Variants in PTPRG observed in about 807,000 individuals in gnomAD.
PTPRG encodes receptor-type tyrosine-protein phosphatase gamma.
Under a neutral mutation model 165.3 loss-of-function variants are expected in PTPRG, and 102 were observed. The ratio of observed to expected loss-of-function variants is 0.62; its 90% CI spans 0.53 to 0.73. The LOEUF (loss-of-function observed/expected upper bound fraction) is 0.73. Among genes scored for constraint, PTPRG ranks in the 30% least tolerant of loss-of-function variants. The pLI, the probability that PTPRG is intolerant of heterozygous loss-of-function variation, is 0.00. For missense variants in PTPRG, 1,866 were observed against 1,861.4 expected (o/e 1.00, Z -0.05); for synonymous variants, 675 against 669.5 (o/e 1.01, Z -0.13).
chr3:62,183,837 A>C (rs1705761174), intron 8 of PTPRG, among the ~76,000 whole-genome samples: 1 of 152,208 alleles, frequency 6.6e-6, no homozygotes, highest in Admixed American at 6.5e-5. Flanking sequence ...ATGAAGGAGA[A>C]GGGAACGGGA....
At chr3:62,122,042 C>T (rs924472293) in intron 5 of PTPRG, among the ~76,000 whole-genome samples, 21 of 152,274 alleles carry the variant, frequency 1.4e-4, no homozygotes, top group African/African-American at 2.4e-4. Context: ...CGAGATGGGG[C>T]TGGATTTTGT....
At chr3:62,054,332 TC>T (rs1284927987) in intron 4 of PTPRG, among the ~76,000 whole-genome samples, 1 of 152,220 alleles carries the variant, frequency 6.6e-6, no homozygotes. Context: ...ATAATGGGTT[TC>T]TTTCTTCTAT....
chr3:62,031,280 G>A (rs534389946), intron 4 of PTPRG, among the ~76,000 whole-genome samples: 1 of 152,122 alleles, frequency 6.6e-6, no homozygotes, highest in Non-Finnish European at 1.5e-5. Flanking sequence ...TAGAAGCAAT[G>A]GGTTTACTTC....
At chr3:61,856,061 G>T (rs539213747) in intron 2 of PTPRG, among the ~76,000 whole-genome samples, 2 of 152,158 alleles carry the variant, frequency 1.3e-5, no homozygotes, top group South Asian at 4.2e-4. Flanking sequence ...GATATTGATG[G>T]GTGGGTGCTA....
chr3:62,104,663 A>G (rs949906746), intron 5 of PTPRG, among the ~76,000 whole-genome samples: 2 of 152,180 alleles, frequency 1.3e-5, no homozygotes, highest in African/African-American at 4.8e-5. Context: ...TAAATAGTGG[A>G]CTTGAGCTTA....
chr3:62,269,770 T>C (rs923362886), intron 20 of PTPRG, among the ~76,000 whole-genome samples: 6 of 152,126 alleles, frequency 3.9e-5, no homozygotes. Context: ...CAAAATCCAC[T>C]GTCACAACAA....
chr3:62,049,160 G>C (rs1024036248), intron 4 of PTPRG, among the ~76,000 whole-genome samples: 1 of 151,516 alleles, frequency 6.6e-6, no homozygotes, highest in Non-Finnish European at 1.5e-5. Context: ...GTATCTCATC[G>C]TCCCTCTTTT....
At chr3:61,787,178 C>T (rs1370114887) in intron 2 of PTPRG, among the ~76,000 whole-genome samples, 1 of 152,088 alleles carries the variant, frequency 6.6e-6, no homozygotes, top group Non-Finnish European at 1.5e-5. Flanking sequence ...CTGTTCTTCT[C>T]TCCGTCCTAA....
chr3:61,918,359 T>C (rs1559687986), intron 2 of PTPRG, among the ~76,000 whole-genome samples: 1 of 151,602 alleles, frequency 6.6e-6, no homozygotes, highest in Non-Finnish European at 1.5e-5. Flanking sequence ...GAATGGGAAA[T>C]ATGTATATAT....
At chr3:62,118,241 C>T (rs540617520) in intron 5 of PTPRG, 1 of 152,326 alleles carries the variant, frequency 6.6e-6, no homozygotes, top group Non-Finnish European at 1.5e-5. Flanking sequence ...GCTCTCTGTT[C>T]CAATTGCTTG....
intron 14 of PTPRG, among the ~76,000 whole-genome samples, chr3:62,236,757 A>T (rs1052808326): frequency 3.9e-5 from 6 of 152,146 alleles, no homozygotes; most frequent in Admixed American, 3.9e-4. Context: ...GGGTTTTCAT[A>T]TGAGTCTGGA....
At chr3:61,974,416 T>C (rs1359895847) in intron 2 of PTPRG, among the ~76,000 whole-genome samples, 1 of 151,854 alleles carries the variant, frequency 6.6e-6, no homozygotes, top group Non-Finnish European at 1.5e-5. Flanking sequence ...AGCCGGGCAT[T>C]ATGGCTGGTT....
chr3:61,725,404 AT>A (rs1025157109), intron 1 of PTPRG, among the ~76,000 whole-genome samples: 2 of 151,964 alleles, frequency 1.3e-5, no homozygotes, highest in African/African-American at 4.8e-5. Flanking sequence ...TTTGTATTTT[AT>A]TTTTTAAATT....
chr3:61,760,770 C>T (rs929090969), intron 2 of PTPRG, among the ~76,000 whole-genome samples: 2 of 152,208 alleles, frequency 1.3e-5, no homozygotes, highest in African/African-American at 4.8e-5. Flanking sequence ...CCTCCCTGCT[C>T]TCCAGGCCCC....
intron 28 of PTPRG, among the ~76,000 whole-genome samples, chr3:62,284,987 T>C (rs1702586779): frequency 6.6e-6 from 1 of 152,160 alleles, no homozygotes; most frequent in East Asian, 1.9e-4. Flanking sequence ...AAAGTCACTC[T>C]CTGAGACTCT....
At chr3:61,625,226 A>C (rs1701574237) in intron 1 of PTPRG, among the ~76,000 whole-genome samples, 1 of 151,582 alleles carries the variant, frequency 6.6e-6, no homozygotes. Context: ...TACCTTTTTT[A>C]AGGGGGGATA....
At chr3:61,907,011 C>G (rs2038674028) in intron 2 of PTPRG, among the ~76,000 whole-genome samples, 1 of 152,018 alleles carries the variant, frequency 6.6e-6, no homozygotes, top group South Asian at 2.1e-4. Flanking sequence ...AGTTATTACA[C>G]TTTTGAGTTG....
At chr3:62,003,128 T>C (rs537430840) in intron 3 of PTPRG, among the ~76,000 whole-genome samples, 7 of 152,196 alleles carry the variant, frequency 4.6e-5, no homozygotes, top group Non-Finnish European at 1.0e-4. Flanking sequence ...GATCATTCTC[T>C]GGAAAGTATC....
At chr3:61,698,723 TA>T (rs1482952355) in intron 1 of PTPRG, among the ~76,000 whole-genome samples, 1 of 150,272 alleles carries the variant, frequency 6.7e-6, no homozygotes, top group Admixed American at 6.7e-5. Flanking sequence ...ACTGACAAAT[TA>T]AAAAAACTTA....
Sources: gnomAD v4.1 joint callset for allele counts (sites outside exome capture counted in the v4.1 genomes callset) on GRCh38, gnomAD v4.1.1 for gene constraint, MANE v1.5 for transcripts, NCBI Gene and HGNC (gene_info 2026-07-23, HGNC 2026-07-21) for gene names.